Variants in TMEM163 observed in about 807,000 individuals in gnomAD.
The protein encoded by TMEM163 is transmembrane protein 163.
In TMEM163, 17 loss-of-function variants were observed where a neutral mutation model predicts 29.3. That is an observed-to-expected ratio of 0.58 (90% CI 0.40 to 0.87). TMEM163 has a LOEUF of 0.87. Among genes scored for constraint, TMEM163 ranks in the 40% least tolerant of loss-of-function variants. TMEM163 has a pLI of 0.00. For synonymous variants in TMEM163, 157 were observed against 160.6 expected, an observed-to-expected ratio of 0.98 and a Z score of 0.17; for missense variants, 303 against 381.5, an observed-to-expected ratio of 0.79 and a Z score of 1.71.
At chr2:134,701,916 CAAAAAAAAA>C (rs71301801) in intron 2 of TMEM163, among the ~76,000 whole-genome samples, 2 of 66,558 alleles carry the variant, frequency 3.0e-5, no homozygotes, top group South Asian at 6.2e-4. Context: ...AAAACTGTCT[CAAAAAAAAA>C]AAAAAAAAAA....
chr2:134,511,156 G>GC (rs1553475804), intron 4 of TMEM163, among the ~76,000 whole-genome samples: 1 of 150,920 alleles, frequency 6.6e-6, no homozygotes, highest in Non-Finnish European at 1.5e-5. Context: ...AACAAGGCGG[G>GC]GGGGGGTGCT....
intron 2 of TMEM163, among the ~76,000 whole-genome samples, chr2:134,682,647 A>G (rs1684271391): frequency 6.6e-6 from 1 of 152,182 alleles, no homozygotes; most frequent in African/African-American, 2.4e-5. Context: ...AACACCAAAC[A>G]CTGATGAATA....
At chr2:134,565,918 AGGCT>A (rs1457429946) in intron 2 of TMEM163, among the ~76,000 whole-genome samples, 1 of 152,230 alleles carries the variant, frequency 6.6e-6, no homozygotes, top group African/African-American at 2.4e-5. Flanking sequence ...GGTAGAATTC[AGGCT>A]GGTGGTCACC....
Position 134,718,756 on chromosome 2 carries a change from G to A in TMEM163, c.180C>T (p.Phe60=). 8.7e-7 allele frequency: 1 copy of A among 1,154,486 alleles called. No individual in the cohort carries two copies. Among genetic ancestry groups the A allele is most frequent in the African/African-American group, 1.6e-5 (1 of 61,566 alleles). 71.5% of individuals were successfully genotyped at this position (1,154,486 alleles called of 1,614,324 possible). A position where few individuals can be genotyped will look rare whatever the true frequency, so the allele number is the denominator to read the frequency against. ...RQVRISESGQ[F]SDGLEDRGLL... ...CACCTCGGTCCTCCAGCCCGTCGCT[G>A]AACTGGCCGCTCTCGCTGATCCGCA... Residue 60 remains phenylalanine, a synonymous_variant, in exon 1 of 8, where the codon TTC becomes TTT. Coordinates refer to ENST00000281924, the MANE Select transcript of TMEM163 (RefSeq NM_030923.5).
chr2:134,463,745 A>C (rs1318433243), intron 6 of TMEM163, among the ~76,000 whole-genome samples: 1 of 152,226 alleles, frequency 6.6e-6, no homozygotes, highest in African/African-American at 2.4e-5. Flanking sequence ...ATAAGGCAGA[A>C]ACTGGAAAGG....
intron 2 of TMEM163, among the ~76,000 whole-genome samples, chr2:134,636,415 C>T (rs1199372433): frequency 2.0e-5 from 3 of 152,300 alleles, no homozygotes; most frequent in South Asian, 4.1e-4. Context: ...TAGTATCTTT[C>T]GTTCAATGTC....
chr2:134,595,822 A>G (rs2104805896), intron 2 of TMEM163, among the ~76,000 whole-genome samples: 1 of 152,314 alleles, frequency 6.6e-6, no homozygotes, highest in Non-Finnish European at 1.5e-5. Context: ...CTGGTGTGAG[A>G]TAGTAACTCA....
rs796382637 is a variant in TMEM163, at chr2:134,598,920, C to CAA, written c.323-46831_323-46830dup. Among the ~76,000 whole-genome samples, 113 of 65,918 alleles carry CAA rather than the reference C, an allele frequency of 1.7e-3. 1 individual carries two copies. Among genetic ancestry groups the CAA allele is most frequent in the African/African-American group, 3.8e-3 (100 of 26,064 alleles). The allele number at this position is 65,918 out of a possible 152,430, so 43.2% of individuals were successfully genotyped here. A position where few individuals can be genotyped will look rare whatever the true frequency, so the allele number is the denominator to read the frequency against. On this transcript the variant is annotated intron_variant, in intron 2 of 7. Transcript: ENST00000281924. Reference sequence around the variant, plus strand: ...TGGGTGACAGAGTGAGACTCTATCTCAAAAAAAAAAAAAAAGAAAGAAAGA... The same window carrying CAA: ...TGGGTGACAGAGTGAGACTCTATCTCAAAAAAAAAAAAAAAAAGAAAGAAAGA...
chr2:134,631,996 G>C (rs1225954986), intron 2 of TMEM163, among the ~76,000 whole-genome samples: 1 of 152,164 alleles, frequency 6.6e-6, no homozygotes, highest in African/African-American at 2.4e-5. Context: ...GTACATGTAG[G>C]AGCTAAATTC....
intron 2 of TMEM163, among the ~76,000 whole-genome samples, chr2:134,617,183 G>T (rs570849698): frequency 1.3e-5 from 2 of 152,230 alleles, no homozygotes; most frequent in Admixed American, 6.5e-5. Flanking sequence ...GAAACAAATG[G>T]AACTATTTGA....
intron 2 of TMEM163, among the ~76,000 whole-genome samples, chr2:134,651,074 G>A (rs1417142918): frequency 3.5e-5 from 3 of 85,148 alleles, no homozygotes; most frequent in African/African-American, 2.3e-4. Context: ...TGGGATGGCT[G>A]GGTCAAATGG....
chr2:134,583,951 A>G (rs893959311), intron 2 of TMEM163, among the ~76,000 whole-genome samples: 3 of 151,950 alleles, frequency 2.0e-5, no homozygotes, highest in Non-Finnish European at 4.4e-5. Flanking sequence ...ATCCCTCACA[A>G]TCTAATATGT....
intron 2 of TMEM163, among the ~76,000 whole-genome samples, chr2:134,619,743 G>T (rs1682686657): frequency 6.6e-6 from 1 of 152,086 alleles, no homozygotes; most frequent in Non-Finnish European, 1.5e-5. Flanking sequence ...GCAATTAAAG[G>T]CACCCAGATT....
At chr2:134,697,171 G>C (rs763703285) in intron 2 of TMEM163, among the ~76,000 whole-genome samples, 1 of 152,038 alleles carries the variant, frequency 6.6e-6, no homozygotes, top group Non-Finnish European at 1.5e-5. Context: ...AAGCAATGAT[G>C]GTTACTTTTT....
intron 4 of TMEM163, among the ~76,000 whole-genome samples, chr2:134,541,772 GCACACA>G (rs57326163): frequency 0.23 from 33,993 of 149,880 alleles, 3,968 homozygotes; most frequent in Middle Eastern, 0.45. Flanking sequence ...GTACACACGT[GCACACA>G]CACACACACA....
chr2:134,517,107 C>T (rs1680088218), intron 4 of TMEM163, among the ~76,000 whole-genome samples: 1 of 151,540 alleles, frequency 6.6e-6, no homozygotes, highest in African/African-American at 2.4e-5. Flanking sequence ...CATCATCTTC[C>T]ATCATTGGGA....
intron 2 of TMEM163, among the ~76,000 whole-genome samples, chr2:134,564,611 T>C (rs1159395955): frequency 6.6e-6 from 1 of 152,116 alleles, no homozygotes; most frequent in African/African-American, 2.4e-5. Context: ...AAAACATAAC[T>C]ACCAGGGGAC....
chr2:134,611,157 C>G (rs1482309793), intron 2 of TMEM163, among the ~76,000 whole-genome samples: 2 of 152,170 alleles, frequency 1.3e-5, no homozygotes, highest in Non-Finnish European at 2.9e-5. Context: ...TACTACATCT[C>G]TCCATTAAAG....
chr2:134,650,206 C>T (rs1379556421), intron 2 of TMEM163, among the ~76,000 whole-genome samples: 3 of 151,848 alleles, frequency 2.0e-5, no homozygotes, highest in Admixed American at 1.3e-4. Context: ...TCTGGAAGTA[C>T]ATATTTCAAC....
Sources: gnomAD v4.1 joint callset for allele counts (sites outside exome capture counted in the v4.1 genomes callset) on GRCh38, gnomAD v4.1.1 for gene constraint, MANE v1.5 for transcripts, NCBI Gene and HGNC (gene_info 2026-07-23, HGNC 2026-07-21) for gene names.